Variants in COL21A1 observed in about 807,000 individuals in gnomAD.
The protein encoded by COL21A1 is collagen type XXI alpha 1 chain.
In COL21A1, 149 loss-of-function variants were observed where a neutral mutation model predicts 137.9. The ratio of observed to expected loss-of-function variants is 1.08; its 90% CI spans 0.95 to 1.24. COL21A1 has a LOEUF of 1.24. COL21A1 is among the 50% of genes most tolerant of loss of function. COL21A1 has a pLI of 0.00. For missense variants in COL21A1, 1,167 were observed against 1,158.4 expected (o/e 1.01, Z -0.11); for synonymous variants, 456 against 391.5 (o/e 1.16, Z -1.95).
chr6:56,240,039 G>T (rs1259537932), intron 1 of COL21A1, among the ~76,000 whole-genome samples: 2 of 152,114 alleles, frequency 1.3e-5, no homozygotes. Flanking sequence ...GGTATTGTAA[G>T]GGGAAACCCC....
chr6:56,295,296 A>G (rs1451893218), intron 1 of COL21A1, among the ~76,000 whole-genome samples: 2 of 151,886 alleles, frequency 1.3e-5, no homozygotes, highest in Non-Finnish European at 2.9e-5. Flanking sequence ...GTTCCATTCC[A>G]TTGGTCTATT....
At chr6:56,176,658 AGGAAGG>A (rs1777495083) in intron 3 of COL21A1, among the ~76,000 whole-genome samples, 1 of 148,524 alleles carries the variant, frequency 6.7e-6, no homozygotes, top group Non-Finnish European at 1.5e-5. Context: ...GAAGAAAGGA[AGGAAGG>A]AAGAGAAGGA....
intron 1 of COL21A1, among the ~76,000 whole-genome samples, chr6:56,188,784 G>A (rs1778471571): frequency 6.6e-6 from 1 of 152,224 alleles, no homozygotes; most frequent in African/African-American, 2.4e-5. Context: ...AAAGGGGAAA[G>A]AACAGGCAGC....
chr6:56,367,115 A>G (rs1302409392), intron 1 of COL21A1, among the ~76,000 whole-genome samples: 2 of 152,196 alleles, frequency 1.3e-5, no homozygotes, highest in African/African-American at 2.4e-5. Context: ...TAGCTTTTCC[A>G]TTTTAGTTAA....
At chr6:56,150,512 C>CGT (rs1775219277) in intron 10 of COL21A1, among the ~76,000 whole-genome samples, 1 of 103,726 alleles carries the variant, frequency 9.6e-6, no homozygotes, top group East Asian at 2.9e-4. Flanking sequence ...AGCGAGACTC[C>CGT]ATCACACACA....
chr6:56,386,277 C>T (rs539579016), intron 1 of COL21A1, among the ~76,000 whole-genome samples: 16 of 152,232 alleles, frequency 1.1e-4, no homozygotes, highest in African/African-American at 3.9e-4. Flanking sequence ...GAATAATACC[C>T]CATTGTAGGG....
At chr6:56,184,497 C>A (rs190828520) in intron 1 of COL21A1, among the ~76,000 whole-genome samples, 2 of 152,206 alleles carry the variant, frequency 1.3e-5, no homozygotes, top group Admixed American at 1.3e-4. Flanking sequence ...ATCCAGTCCT[C>A]AGTATTATTT....
intron 1 of COL21A1, among the ~76,000 whole-genome samples, chr6:56,289,432 G>A (rs1763988128): frequency 1.3e-5 from 2 of 152,130 alleles, no homozygotes; most frequent in African/African-American, 4.8e-5. Context: ...ATAATAAGTA[G>A]CAAACAAACA....
At chr6:56,069,385 T>C (rs1766537753) in intron 21 of COL21A1, among the ~76,000 whole-genome samples, 1 of 151,452 alleles carries the variant, frequency 6.6e-6, no homozygotes, top group Non-Finnish European at 1.5e-5. Flanking sequence ...TGATACTTTA[T>C]AATTTCAATA....
At position 56,382,233 on chromosome 6, in the gene COL21A1, T is replaced by C. The variant is rs545625824; in HGVS notation, c.-39+11738A>G. Among the ~76,000 whole-genome samples the C allele has an allele frequency of 4.6e-5, 7 of 152,330 alleles. No homozygotes were observed. In the South Asian group the frequency reaches 1.0e-3, roughly 23 times the overall value. On this transcript the variant is annotated intron_variant, in intron 1 of 28. Transcript: ENST00000370819. ...TGCCCTAGAAATGTGTTTGGAATGC[T>C]CAAGGCCTCCCTTCTAGTTCACCAT...
Position 56,165,960 on chromosome 6 carries a change from TATA to T in COL21A1, c.1278+943_1278+945del, listed in dbSNP as rs571172191. On this transcript the variant is annotated intron_variant, in intron 7 of 29. Coordinates refer to ENST00000244728, the MANE Select transcript of COL21A1 (RefSeq NM_030820.4). ...CACACACACACACTCCATGCGATGC[TATA>T]ATATTTTAGCTCATAATCTTTTTCC... 4.6e-3 allele frequency among the ~76,000 whole-genome samples: 694 copies of T among 150,778 alleles called. 10 individuals are homozygous for T. The highest frequency in any genetic ancestry group is 0.016 in the African/African-American group (666 of 40,926).
chr6:56,096,735 T>C (rs949073103), intron 17 of COL21A1, among the ~76,000 whole-genome samples: 8 of 152,174 alleles, frequency 5.3e-5, no homozygotes, highest in African/African-American at 1.9e-4. Context: ...TAATTAGCTT[T>C]AAAGCATTTT....
At chr6:56,077,860 T>G (rs1767383622) in intron 17 of COL21A1, 2 of 382,700 alleles carry the variant, frequency 5.2e-6, no homozygotes, top group Non-Finnish European at 9.7e-6. Context: ...GTGATAAAAT[T>G]AAAATGATGT....
At position 56,124,283 on chromosome 6, in the gene COL21A1, C is replaced by T; in HGVS notation, c.1660G>A (p.Gly554Ser). 6.2e-7 allele frequency: 1 copy of T among 1,602,650 alleles called. No homozygotes were observed. The change falls in exon 15 of 30, where the codon GGT becomes AGT. Residue 554 changes from glycine (G) to serine (S), a missense_variant. Coordinates refer to ENST00000244728, the MANE Select transcript of COL21A1 (RefSeq NM_030820.4). ...GGGAAGCCAGCATTCCCCTTTTCAC[C>T]TTTTGCACCCTGTATCGAAAACAAA... The part of the protein sequence containing the change: ...PGFYGKKGAK[G>S]EKGNAGFPGL...
At chr6:56,359,902 T>G (rs993189257) in intron 1 of COL21A1, among the ~76,000 whole-genome samples, 4 of 151,864 alleles carry the variant, frequency 2.6e-5, no homozygotes, top group African/African-American at 9.7e-5. Context: ...ATTTGTGATC[T>G]TCCTTCTGCA....
chr6:56,343,147 G>A (rs1040774769), intron 1 of COL21A1, among the ~76,000 whole-genome samples: 1 of 152,082 alleles, frequency 6.6e-6, no homozygotes, highest in African/African-American at 2.4e-5. Flanking sequence ...AGGTTTAGAG[G>A]AAAGATTTCC....
At chr6:56,240,090 G>C (rs550593254) in intron 1 of COL21A1, among the ~76,000 whole-genome samples, 1 of 151,928 alleles carries the variant, frequency 6.6e-6, no homozygotes, top group South Asian at 2.1e-4. Context: ...CACCAGGCAA[G>C]ATGTGTCATT....
chr6:56,143,776 A>G (rs1774619783), intron 10 of COL21A1, among the ~76,000 whole-genome samples: 1 of 152,174 alleles, frequency 6.6e-6, no homozygotes, highest in Admixed American at 6.5e-5. Flanking sequence ...AGCCCCCTTG[A>G]GATCAAAGAC....
chr6:56,057,608 G>T lies in COL21A1; in HGVS notation c.*49C>A. 2.6e-6 allele frequency: 4 copies of T among 1,561,960 alleles called. No homozygotes were observed. Among genetic ancestry groups the T allele is most frequent in the Non-Finnish European group, 3.5e-6 (4 of 1,136,776 alleles). ...TTGGTTATCTTCCTGAGATGCAAAA[G>T]ACCACAGAAAAAGCACCATGCCTAG... On this transcript the variant is annotated 3_prime_UTR_variant, in exon 30 of 30. Coordinates refer to ENST00000244728, the MANE Select transcript of COL21A1 (RefSeq NM_030820.4).
Sources: allele counts gnomAD v4.1 joint callset (sites outside exome capture counted in the v4.1 genomes callset), GRCh38; gene constraint gnomAD v4.1.1; transcripts MANE v1.5; gene names NCBI Gene and HGNC (gene_info 2026-07-23, HGNC 2026-07-21).